The following SHANK2 variants were observed in gnomAD, a reference collection of about 807,000 sequenced individuals.
The protein encoded by SHANK2 is SH3 and multiple ankyrin repeat domains 2, also known as SH3 and multiple ankyrin repeat domains protein 2.
SHANK2 carries 43 observed loss-of-function variants against 133.7 expected under a neutral mutation model. That is an observed-to-expected ratio of 0.32 (90% CI 0.25 to 0.41). The LOEUF is 0.41. SHANK2 is among the 10% of genes least tolerant of loss of function. SHANK2 has a pLI of 1.00. For missense variants in SHANK2, 1,994 were observed against 2,235.8 expected, an observed-to-expected ratio of 0.89 and a Z score of 2.18; for synonymous variants, 1,017 against 952.8, an observed-to-expected ratio of 1.07 and a Z score of -1.24.
intron 8 of SHANK2, among the ~76,000 whole-genome samples, chr11:71,081,713 A>G (rs1951303588): frequency 6.6e-6 from 1 of 152,172 alleles, no homozygotes; most frequent in Admixed American, 6.5e-5. Context: ...TCCTTCTCCA[A>G]ACAGAACCTT....
intron 14 of SHANK2, 118 bp downstream of exon 14, chr11:70,798,325 T>C (rs1345617865): frequency 1.5e-6 from 1 of 680,884 alleles, no homozygotes; most frequent in East Asian, 2.7e-5. Flanking sequence ...AGTCCTGAAT[T>C]CGCAACTCAG....
chr11:70,833,503 C>G (rs1478533760), intron 11 of SHANK2, among the ~76,000 whole-genome samples: 1 of 152,256 alleles, frequency 6.6e-6, no homozygotes, highest in Non-Finnish European at 1.5e-5. Flanking sequence ...GGGACCCTGA[C>G]AGCATCTCTG....
At chr11:70,844,414 C>T (rs547311645) in intron 11 of SHANK2, among the ~76,000 whole-genome samples, 2 of 152,294 alleles carry the variant, frequency 1.3e-5, no homozygotes, top group South Asian at 2.1e-4. Context: ...TCACAGCCAG[C>T]ATTCTCGACA....
rs144220669 is a variant in SHANK2, at chr11:70,833,057, G to A, written c.1175-12375C>T. Among the ~76,000 whole-genome samples the A allele has an allele frequency of 5.8e-3, 880 of 152,374 alleles. 8 individuals are homozygous for A. Among genetic ancestry groups the A allele is most frequent in the African/African-American group, 0.019 (779 of 41,588 alleles). ...GCACCCCATGTCCTGCCTGGAAACAGTGAGGGCTCATCCCTCAGCTTCCCC... is the reference window on the plus strand; with the variant it reads ...GCACCCCATGTCCTGCCTGGAAACAATGAGGGCTCATCCCTCAGCTTCCCC... On this transcript the variant is annotated intron_variant, in intron 11 of 25. Transcript: ENST00000601538.
intron 17 of SHANK2, among the ~76,000 whole-genome samples, chr11:70,509,771 C>T (rs1203818716): frequency 6.6e-6 from 1 of 152,186 alleles, no homozygotes; most frequent in Non-Finnish European, 1.5e-5. Flanking sequence ...GGATTAGTGC[C>T]CTTATAAAAG....
chr11:70,735,085 A>T (rs536713721), intron 14 of SHANK2, among the ~76,000 whole-genome samples: 3 of 152,182 alleles, frequency 2.0e-5, no homozygotes, highest in Non-Finnish European at 4.4e-5. Flanking sequence ...TCAGTGTGGG[A>T]AGGTGGGCGA....
At chr11:70,652,273 T>C (rs1261013140) in intron 17 of SHANK2, among the ~76,000 whole-genome samples, 1 of 152,168 alleles carries the variant, frequency 6.6e-6, no homozygotes, top group African/African-American at 2.4e-5. Flanking sequence ...CTATTAGTGA[T>C]GTTCCTCACA....
At chr11:70,529,465 A>G (rs781904933) in intron 17 of SHANK2, among the ~76,000 whole-genome samples, 2 of 152,264 alleles carry the variant, frequency 1.3e-5, no homozygotes, top group Non-Finnish European at 2.9e-5. Flanking sequence ...TGCAGGCTGC[A>G]GTGCGGCGGA....
At chr11:71,209,962 G>A (rs924054631) in intron 2 of SHANK2, among the ~76,000 whole-genome samples, 3 of 151,416 alleles carry the variant, frequency 2.0e-5, no homozygotes, top group Admixed American at 6.6e-5. Flanking sequence ...ATAAACCACC[G>A]AGGATTCGAC....
At chr11:70,475,346 G>A (rs1305607889) in intron 25 of SHANK2, among the ~76,000 whole-genome samples, 1 of 152,194 alleles carries the variant, frequency 6.6e-6, no homozygotes, top group African/African-American at 2.4e-5. Flanking sequence ...CCATTTGGTT[G>A]GGCCTTGGTT....
intron 14 of SHANK2, among the ~76,000 whole-genome samples, chr11:70,711,495 G>A (rs1945782862): frequency 6.6e-6 from 1 of 152,250 alleles, no homozygotes; most frequent in Non-Finnish European, 1.5e-5. Context: ...AACCAAAGAT[G>A]CTGATGGGCT....
intron 17 of SHANK2, among the ~76,000 whole-genome samples, chr11:70,601,195 G>A (rs1406516712): frequency 2.0e-5 from 3 of 150,682 alleles, no homozygotes; most frequent in African/African-American, 7.3e-5. Flanking sequence ...GGGACTATAG[G>A]TGCATGCAAC....
At chr11:71,076,477 G>A (rs1454319536) in intron 8 of SHANK2, among the ~76,000 whole-genome samples, 3 of 144,946 alleles carry the variant, frequency 2.1e-5, no homozygotes, top group Non-Finnish European at 3.0e-5. Flanking sequence ...TTAATTGGAT[G>A]AGCTATAAAA....
intron 17 of SHANK2, among the ~76,000 whole-genome samples, chr11:70,582,151 C>T (rs1304206337): frequency 6.6e-6 from 1 of 152,222 alleles, no homozygotes; most frequent in African/African-American, 2.4e-5. Flanking sequence ...AAGGTGCCAT[C>T]AGTCAGAGAA....
At position 71,076,182 on chromosome 11, in the gene SHANK2, G is replaced by A. The variant is rs928601565; in HGVS notation, c.913-907C>T. ...CCCTCTGTCCAGCCACACACTGCTC[G>A]ACATGGTGGCCACAACCTTGGACCT... On this transcript the variant is annotated intron_variant, in intron 8 of 25. Transcript: ENST00000601538. Among the ~76,000 whole-genome samples the A allele has an allele frequency of 4.8e-4, 73 of 152,264 alleles. 1 individual carries two copies. The Middle Eastern group carries it at 0.027, about 57-fold the overall frequency.
intron 17 of SHANK2, among the ~76,000 whole-genome samples, chr11:70,587,446 G>C (rs1417633346): frequency 6.6e-6 from 1 of 152,132 alleles, no homozygotes; most frequent in Non-Finnish European, 1.5e-5. Context: ...AAATTGGTCT[G>C]GGGCATTCTA....
chr11:70,931,165 G>A (rs1256078206), intron 10 of SHANK2, among the ~76,000 whole-genome samples: 1 of 152,134 alleles, frequency 6.6e-6, no homozygotes, highest in Non-Finnish European at 1.5e-5. Flanking sequence ...TCCAGAATAG[G>A]CAAATCCATA....
rs1449522862 is a variant in SHANK2, at chr11:70,903,249, C to G, written c.1108-6682G>C. On this transcript the variant is annotated intron_variant, in intron 10 of 25. Transcript: ENST00000601538. ...AAAATTAGCTGTGCGTGGTGGCTGGCACCTGTAATCCCAGCTACTCGGGAG... is the reference window on the plus strand; with the variant it reads ...AAAATTAGCTGTGCGTGGTGGCTGGGACCTGTAATCCCAGCTACTCGGGAG... Among the ~76,000 whole-genome samples, 4 of 152,010 alleles carry G rather than the reference C, an allele frequency of 2.6e-5. No homozygotes were observed. In the East Asian group the frequency reaches 7.8e-4, roughly 29 times the overall value.
intron 14 of SHANK2, among the ~76,000 whole-genome samples, chr11:70,729,900 TAA>T (rs549153711): frequency 0.14 from 14,961 of 108,232 alleles, 957 homozygotes; most frequent in South Asian, 0.32. Context: ...AAAGTGTTAC[TAA>T]AAAAAAAAAA....
Sources: gnomAD v4.1 joint callset for allele counts (sites outside exome capture counted in the v4.1 genomes callset) on GRCh38, gnomAD v4.1.1 for gene constraint, MANE v1.5 for transcripts, NCBI Gene and HGNC (gene_info 2026-07-23, HGNC 2026-07-21) for gene names.